Variants in METTL21A observed in about 807,000 individuals in gnomAD.
The protein encoded by METTL21A is methyltransferase 21A, HSPA lysine, also known as protein N-lysine methyltransferase METTL21A.
A neutral mutation model predicts 20.9 loss-of-function variants in METTL21A; 22 were observed. The observed-to-expected ratio is 1.05, with a 90% confidence interval of 0.75 to 1.50. The LOEUF (loss-of-function observed/expected upper bound fraction) is 1.50. Ranked by LOEUF, METTL21A falls within the 40% of genes most tolerant of loss-of-function variation. The pLI, the probability that METTL21A is intolerant of heterozygous loss-of-function variation, is 0.00. For synonymous variants in METTL21A, 93 were observed against 102.0 expected, an observed-to-expected ratio of 0.91 and a Z score of 0.53; for missense variants, 271 against 266.8, an observed-to-expected ratio of 1.02 and a Z score of -0.11.
chr2:207,588,628 A>G (rs544645240), intron 3 of METTL21A, among the ~76,000 whole-genome samples: 2 of 152,192 alleles, frequency 1.3e-5, no homozygotes, highest in South Asian at 2.1e-4. Flanking sequence ...CATCTTAGCA[A>G]TACTTAGTTT....
chr2:207,615,114 G>A (rs576025854), intron 3 of METTL21A, among the ~76,000 whole-genome samples: 2 of 152,226 alleles, frequency 1.3e-5, no homozygotes, highest in African/African-American at 4.8e-5. Context: ...TTGACCATTC[G>A]TTGCTAGACA....
chr2:207,593,243 A>C (rs975963104), intron 3 of METTL21A, among the ~76,000 whole-genome samples: 1 of 152,056 alleles, frequency 6.6e-6, no homozygotes, highest in Non-Finnish European at 1.5e-5. Context: ...ATTTGTATCA[A>C]GGCTGGGTGC....
At chr2:207,588,741 T>TGTG (rs1559069651) in intron 3 of METTL21A, among the ~76,000 whole-genome samples, 5 of 137,760 alleles carry the variant, frequency 3.6e-5, no homozygotes, top group Non-Finnish European at 8.1e-5. Context: ...TTTTTTTTTT[T>TGTG]TGTGTGTGGG....
intron 3 of METTL21A, chr2:207,599,223 A>T (rs746546077): frequency 3.0e-5 from 6 of 199,984 alleles, no homozygotes; most frequent in Non-Finnish European, 6.2e-5. Context: ...GGGGAAAGTT[A>T]TAGCATAAAA....
intron 3 of METTL21A, among the ~76,000 whole-genome samples, chr2:207,590,090 T>TG (rs1574979052): frequency 7.2e-6 from 1 of 139,586 alleles, no homozygotes; most frequent in African/African-American, 2.5e-5. Context: ...GAAGTTTTTT[T>TG]TTTTTTTTTT....
At chr2:207,604,032 A>C (rs1432404152) in intron 3 of METTL21A, among the ~76,000 whole-genome samples, 1 of 152,222 alleles carries the variant, frequency 6.6e-6, no homozygotes, top group Non-Finnish European at 1.5e-5. Context: ...CAACGATTAC[A>C]GAATTTATTG....
chr2:207,609,176 A>G, downstream of METTL21A: 1 of 152,224 alleles, frequency 6.6e-6, no homozygotes, highest in East Asian at 1.9e-4. Context: ...AAAACAACAT[A>G]TTGGATATTT....
chr2:207,593,524 C>T (rs2085485518), intron 3 of METTL21A, among the ~76,000 whole-genome samples: 1 of 151,986 alleles, frequency 6.6e-6, no homozygotes, highest in South Asian at 2.1e-4. Context: ...AGCAAGACCC[C>T]ATCTCAAAAA....
chr2:207,612,494 C>G (rs1438223697), downstream of METTL21A: 1 of 151,710 alleles, frequency 6.6e-6, no homozygotes, highest in Non-Finnish European at 1.5e-5. Context: ...AGGCAAAAAG[C>G]ATGATATGAG....
chr2:207,625,122 C>T (rs1559137558), intron 1 of METTL21A: 2 of 152,408 alleles, frequency 1.3e-5, no homozygotes, highest in South Asian at 2.1e-4. Context: ...TGCGGCAACC[C>T]TCCAGGGGTG....
chr2:207,581,288 TAAA>T (rs1260399027), downstream of METTL21A: 1 of 196,520 alleles, frequency 5.1e-6, no homozygotes. Flanking sequence ...TGAAAAATTC[TAAA>T]AAAATTAAAA....
Position 207,624,415 on chromosome 2 carries a change from A to G in METTL21A, c.-29-11T>C, listed in dbSNP as rs747543255. On this transcript the variant is annotated splice_polypyrimidine_tract_variant and intron_variant, in intron 1 of 3. Transcript: ENST00000406927. ...GCCCTCTGCTCAGACCTGCCGTGCA[A>G]AAGAATCCTGGGTGACGCTCTGGCC... The G allele has an allele frequency of 9.4e-6, 15 of 1,590,674 alleles. No individual in the cohort carries two copies. Among genetic ancestry groups the G allele is most frequent in the South Asian group, 2.3e-5 (2 of 88,398 alleles).
chr2:207,599,244 C>T lies in METTL21A; in HGVS notation c.260-17084G>A, dbSNP rs935810511. On this transcript the variant is annotated intron_variant, in intron 3 of 3. Coordinates refer to the METTL21A transcript ENST00000425132. ...AGTTATAGCATAAAAATTGTGTAAC[C>T]GCATAGATATGTCATTTTTAAAAAC... 2.3e-4 allele frequency: 46 copies of T among 198,372 alleles called. 1 individual carries two copies. The East Asian group carries it at 3.0e-3, about 13-fold the overall frequency. 12.3% of individuals were successfully genotyped at this position (198,372 alleles called of 1,614,324 possible). A position where few individuals can be genotyped will look rare whatever the true frequency, so the allele number is the denominator to read the frequency against.
intron 1 of METTL21A, 30 bp from the exon 2 acceptor site, chr2:207,624,434 T>C: frequency 6.4e-7 from 1 of 1,554,752 alleles, no homozygotes; most frequent in South Asian, 1.2e-5. Context: ...TGGGTGACGC[T>C]CTGGCCAAAA....
downstream of METTL21A, among the ~76,000 whole-genome samples, chr2:207,607,999 A>C (rs954170645): frequency 2.0e-5 from 3 of 151,998 alleles, no homozygotes; most frequent in African/African-American, 7.3e-5. Flanking sequence ...CCCACACCTG[A>C]AACACTCATT....
chr2:207,585,271 C>T (rs905263560), intron 3 of METTL21A, among the ~76,000 whole-genome samples: 2 of 152,172 alleles, frequency 1.3e-5, no homozygotes, highest in South Asian at 2.1e-4. Flanking sequence ...CACTGACAAC[C>T]GAAGCCTAAG....
At chr2:207,612,907 T>A in exon 4 of METTL21A, 1 of 835,042 alleles carries the variant, frequency 1.2e-6, no homozygotes, top group South Asian at 2.0e-5. Context: ...GTTTTAAAAC[T>A]GCACATGTGC....
downstream of METTL21A, chr2:207,611,982 G>A (rs1433277721): frequency 3.9e-4 from 1 of 2,558 alleles, no homozygotes. Flanking sequence ...CTATGACCCT[G>A]CCAAATCCCC....
chr2:207,580,903 G>C (rs1305632096), downstream of METTL21A: 1 of 218,150 alleles, frequency 4.6e-6, no homozygotes, highest in Non-Finnish European at 9.2e-6. Context: ...GAAAGCATTT[G>C]CTTGATTTTG....
Sources: gnomAD v4.1 joint callset for allele counts (sites outside exome capture counted in the v4.1 genomes callset) on GRCh38, gnomAD v4.1.1 for gene constraint, MANE v1.5 for transcripts, NCBI Gene and HGNC (gene_info 2026-07-23, HGNC 2026-07-21) for gene names.